The following ZNF532 variants were observed in gnomAD, a reference collection of about 807,000 sequenced individuals.
ZNF532 encodes zinc finger protein 532.
Under a neutral mutation model 89.3 loss-of-function variants are expected in ZNF532, and 22 were observed. The observed-to-expected ratio is 0.25, with a 90% CI of 0.18 to 0.35. The LOEUF (loss-of-function observed/expected upper bound fraction) is 0.35, where lower values mean the gene tolerates loss of function less well. ZNF532 is among the 10% of genes least tolerant of loss of function. ZNF532 has a pLI of 1.00. For synonymous variants in ZNF532, 606 were observed against 649.6 expected, an observed-to-expected ratio of 0.93 and a Z score of 1.02; for missense variants, 1,132 against 1,643.4, an observed-to-expected ratio of 0.69 and a Z score of 5.38.
intron 7 of ZNF532, among the ~76,000 whole-genome samples, chr18:58,954,889 AT>A (rs1212758689): frequency 6.6e-6 from 1 of 151,820 alleles, no homozygotes; most frequent in Non-Finnish European, 1.5e-5. Context: ...ATTTTTAAAT[AT>A]TTTTAGTAAA....
At chr18:58,922,971 A>G (rs1168435556) in intron 3 of ZNF532, among the ~76,000 whole-genome samples, 4 of 149,530 alleles carry the variant, frequency 2.7e-5, no homozygotes, top group Non-Finnish European at 2.9e-5. Context: ...CTCTGTCCCC[A>G]GGAGGAGAGA....
At chr18:58,946,721 T>C (rs572288819) in intron 5 of ZNF532, among the ~76,000 whole-genome samples, 1 of 152,254 alleles carries the variant, frequency 6.6e-6, no homozygotes, top group South Asian at 2.1e-4. Flanking sequence ...TTGTGCTGCA[T>C]TGTACGGCCC....
intron 5 of ZNF532, among the ~76,000 whole-genome samples, chr18:58,944,383 C>T (rs2063477057): frequency 6.6e-6 from 1 of 151,966 alleles, no homozygotes; most frequent in Non-Finnish European, 1.5e-5. Context: ...CTTCTCCTTC[C>T]CGTACTGGCT....
Position 58,951,648 on chromosome 18 carries a change from T to TTTTTTTTTTTGG in ZNF532, c.2869-1860_2869-1859insGGTTTTTTTTTT, listed in dbSNP as rs1555746528. On this transcript the variant is annotated intron_variant, in intron 6 of 9. Transcript: ENST00000591808. ...ATCACCTCAGCCCTCGCCCTGTTGT[T>TTTTTTTTTTTGG]TTTTTTTTTTTTTTTTTTTGAGATG... Among the ~76,000 whole-genome samples, 362 of 116,324 alleles carry TTTTTTTTTTTGG rather than the reference T, an allele frequency of 3.1e-3. 3 individuals carry two copies. The highest frequency in any genetic ancestry group is 0.012 in the African/African-American group (307 of 26,466). 76.3% of individuals were successfully genotyped at this position (116,324 alleles called of 152,430 possible). A position where few individuals can be genotyped will look rare whatever the true frequency, so the allele number is the denominator to read the frequency against.
At position 58,979,063 on chromosome 18, in the gene ZNF532, G is replaced by T; in HGVS notation, c.3159G>T (p.Lys1053Asn). 2 of 1,609,612 alleles carry T rather than the reference G, an allele frequency of 1.2e-6. No individual in the cohort carries two copies. The highest frequency in any genetic ancestry group is 1.1e-5 in the South Asian group (1 of 90,818). Reference protein sequence around the residue: ...HVRKEHGKQMKKHPCRQCDKS... With the variant: ...HVRKEHGKQMNKHPCRQCDKS... ...TTCTCTCCTTCCTCCAGCAAATGAA[G>T]AAACACCCCTGCCGCCAGTGTGACA... Residue 1053 changes from lysine to asparagine, a missense_variant, in exon 8 of 10, where the codon AAG (lysine) becomes AAT (asparagine). By Grantham distance (94) the Lys-to-Asn change is moderately conservative (BLOSUM62 0). Transcript: ENST00000591808.
chr18:58,977,926 C>T (rs1387167570), intron 7 of ZNF532, among the ~76,000 whole-genome samples: 2 of 152,150 alleles, frequency 1.3e-5, no homozygotes, highest in Non-Finnish European at 2.9e-5. Context: ...AAACTTCGTC[C>T]CACTTCAGTC....
intron 5 of ZNF532, among the ~76,000 whole-genome samples, chr18:58,942,874 T>C (rs1261108333): frequency 6.6e-6 from 1 of 152,250 alleles, no homozygotes; most frequent in African/African-American, 2.4e-5. Context: ...ATGATTTGCA[T>C]TACTTTTTTA....
chr18:58,904,503 C>A (rs7227485), intron 2 of ZNF532, among the ~76,000 whole-genome samples: 72,877 of 151,836 alleles, frequency 0.48, 18,590 homozygotes, highest in African/African-American at 0.65. Flanking sequence ...AGAATTGAAA[C>A]CCCAGTTATA....
chr18:58,931,939 C>A (rs1364857467), intron 3 of ZNF532, among the ~76,000 whole-genome samples: 1 of 151,958 alleles, frequency 6.6e-6, no homozygotes, highest in Non-Finnish European at 1.5e-5. Context: ...GACACTATCT[C>A]AAAACAACAA....
intron 2 of ZNF532, among the ~76,000 whole-genome samples, chr18:58,871,548 T>TG (rs2056984789): frequency 6.6e-6 from 1 of 152,152 alleles, no homozygotes; most frequent in East Asian, 1.9e-4. Flanking sequence ...TGTTCTGCCT[T>TG]GGGGGAGCAC....
At position 58,979,173 on chromosome 18, in the gene ZNF532, T is replaced by C. The variant is rs1192992083; in HGVS notation, c.3263+6T>C. On this transcript the variant is annotated splice_donor_region_variant and intron_variant, in intron 8 of 9. Coordinates refer to ENST00000591808, the MANE Select transcript of ZNF532 (RefSeq NM_001375912.1). ...AGGAAAGTGTACGCCTGCTCGTAAG[T>C]CCTGGTTTCTAACGGAACGCAGTGA... The C allele has an allele frequency of 1.9e-6, 3 of 1,605,938 alleles. No individual in the cohort carries two copies. Among genetic ancestry groups the C allele is most frequent in the African/African-American group, 2.7e-5 (2 of 74,824 alleles).
At chr18:58,872,182 A>G (rs1305839175) in intron 2 of ZNF532, among the ~76,000 whole-genome samples, 1 of 152,134 alleles carries the variant, frequency 6.6e-6, no homozygotes, top group Non-Finnish European at 1.5e-5. Context: ...GATGGTCTTC[A>G]GGGGCCCCAA....
Position 58,941,972 on chromosome 18 carries a change from C to T in ZNF532, c.2705+2351C>T, listed in dbSNP as rs372221617. 2.4e-3 allele frequency among the ~76,000 whole-genome samples: 310 copies of T among 129,604 alleles called. 4 individuals are homozygous for T. The highest frequency in any genetic ancestry group is 8.3e-3 in the South Asian group (29 of 3,488). 85.0% of individuals were successfully genotyped at this position (129,604 alleles called of 152,430 possible). On this transcript the variant is annotated intron_variant, in intron 5 of 9. Coordinates refer to ENST00000591808, the MANE Select transcript of ZNF532 (RefSeq NM_001375912.1). ...CTTTCCTCCCTCCCTCTCTCCCTCC[C>T]TCCCTCCTTCCCTCCTTCCCTTCCT... is the stretch of plus-strand genomic sequence containing the variant.
chr18:58,913,407 AAGGAAAGAT>A (rs2060401916), intron 2 of ZNF532, among the ~76,000 whole-genome samples: 1 of 152,172 alleles, frequency 6.6e-6, no homozygotes, highest in South Asian at 2.1e-4. Flanking sequence ...TTTATATTTG[AAGGAAAGAT>A]AGGAAAGATG....
chr18:58,867,242 C>T (rs1340366961), intron 2 of ZNF532, among the ~76,000 whole-genome samples: 3 of 151,826 alleles, frequency 2.0e-5, no homozygotes, highest in African/African-American at 7.3e-5. Flanking sequence ...AAAACCTCTT[C>T]GTAGGGCATT....
intron 7 of ZNF532, among the ~76,000 whole-genome samples, chr18:58,965,828 G>C (rs2065865854): frequency 6.6e-6 from 1 of 152,184 alleles, no homozygotes; most frequent in South Asian, 2.1e-4. Context: ...GATGTATCTG[G>C]GGGCTGCATG....
chr18:58,885,262 T>A (rs1265216938), intron 2 of ZNF532, among the ~76,000 whole-genome samples: 1 of 152,312 alleles, frequency 6.6e-6, no homozygotes, highest in African/African-American at 2.4e-5. Flanking sequence ...GTGCTGGAAT[T>A]ACAGGCATGA....
chr18:58,946,118 A>G (rs1044664752), intron 5 of ZNF532, among the ~76,000 whole-genome samples: 2 of 152,142 alleles, frequency 1.3e-5, no homozygotes, highest in African/African-American at 4.8e-5. Context: ...TACATATACT[A>G]TCATCCAGCA....
intron 2 of ZNF532, among the ~76,000 whole-genome samples, chr18:58,907,489 G>A (rs953469078): frequency 2.0e-5 from 3 of 151,790 alleles, no homozygotes; most frequent in Middle Eastern, 3.2e-3. Context: ...GCACCCAGCC[G>A]AGAAGTTTTT....
Sources: allele counts gnomAD v4.1 joint callset (sites outside exome capture counted in the v4.1 genomes callset), GRCh38; gene constraint gnomAD v4.1.1; transcripts MANE v1.5; gene names NCBI Gene and HGNC (gene_info 2026-07-23, HGNC 2026-07-21).